GATA4: variants seen among roughly 807,000 people sequenced by gnomAD.
GATA4 encodes the protein GATA binding protein 4.
In GATA4, 7 loss-of-function variants were observed where a neutral mutation model predicts 37.9. That is an observed-to-expected ratio of 0.18 (90% CI 0.11 to 0.35). GATA4 has a LOEUF of 0.35. GATA4 is among the 10% of genes least tolerant of loss of function. The pLI is 1.00. For synonymous variants in GATA4, 372 were observed against 292.6 expected, an observed-to-expected ratio of 1.27 and a Z score of -2.77; for missense variants, 647 against 653.0, an observed-to-expected ratio of 0.99 and a Z score of 0.10.
intron 1 of GATA4, among the ~76,000 whole-genome samples, chr8:11,706,919 G>T (rs189085980): frequency 6.6e-6 from 1 of 152,286 alleles, no homozygotes; most frequent in Admixed American, 6.5e-5. Flanking sequence ...TCAAAAAGTG[G>T]AGCTCTTATT....
intron 2 of GATA4, among the ~76,000 whole-genome samples, chr8:11,727,079 T>C (rs1049672365): frequency 1.3e-5 from 2 of 152,190 alleles, no homozygotes; most frequent in Non-Finnish European, 2.9e-5. Context: ...AGCCTCATCA[T>C]AACAAACGTC....
intron 2 of GATA4, among the ~76,000 whole-genome samples, chr8:11,720,176 T>G (rs557717054): frequency 4.6e-5 from 7 of 151,770 alleles, no homozygotes; most frequent in South Asian, 4.2e-4. Flanking sequence ...GGTGAAGAAT[T>G]CAGGTCAGGT....
chr8:11,701,045 T>A (rs957732547), upstream of GATA4, among the ~76,000 whole-genome samples: 1 of 152,176 alleles, frequency 6.6e-6, no homozygotes, highest in Non-Finnish European at 1.5e-5. Flanking sequence ...TTTAGATTGC[T>A]CTGTACACAA....
chr8:11,705,633 A>T (rs1450539060), intron 1 of GATA4, among the ~76,000 whole-genome samples: 1 of 152,222 alleles, frequency 6.6e-6, no homozygotes, highest in Non-Finnish European at 1.5e-5. Flanking sequence ...CAACTGCAGG[A>T]TCCAGGCTCA....
At chr8:11,684,177 G>A (rs1799066506) in intron 1 of GATA4, among the ~76,000 whole-genome samples, 1 of 152,162 alleles carries the variant, frequency 6.6e-6, no homozygotes, top group Non-Finnish European at 1.5e-5. Flanking sequence ...AAGACGCTGT[G>A]GGCCTTAGTC....
chr8:11,729,744 G>A (rs1463560892), intron 2 of GATA4, among the ~76,000 whole-genome samples: 1 of 152,170 alleles, frequency 6.6e-6, no homozygotes, highest in Non-Finnish European at 1.5e-5. Flanking sequence ...CAGGGGTTAA[G>A]TCCGCTGCCT....
chr8:11,680,679 C>A, intron 1 of GATA4: 1 of 983,028 alleles, frequency 1.0e-6, no homozygotes, highest in Non-Finnish European at 1.2e-6. Context: ...GCGTCAGAGA[C>A]CCCCCCCTTG....
In GATA4 at chr8:11,749,219, A is replaced by G; in HGVS notation, c.786+134A>G. The G allele has an allele frequency of 2.3e-6, 2 of 865,518 alleles. No individual in the cohort carries two copies. The highest frequency in any genetic ancestry group is 3.0e-5 in the South Asian group (2 of 66,720). The allele number at this position is 865,518 out of a possible 1,614,324, so 53.6% of individuals were successfully genotyped here. A position where few individuals can be genotyped will look rare whatever the true frequency, so the allele number is the denominator to read the frequency against. On this transcript the variant is annotated intron_variant, in intron 3 of 6. Coordinates refer to ENST00000532059, the MANE Select transcript of GATA4 (RefSeq NM_001308093.3). The surrounding 1 kb of genome is among the most constrained non-coding windows in gnomAD (Gnocchi z 4.6). ...TTACGTGGGTGAGAGCCCCATAATA[A>G]TTCTCACAACTTTAGAGTTAGCTGG...
chr8:11,681,419 G>C, intron 1 of GATA4: 1 of 984,850 alleles, frequency 1.0e-6, no homozygotes, highest in South Asian at 4.7e-5. Context: ...GGCTCAACTC[G>C]GGGGCCGTAG....
intron 1 of GATA4, chr8:11,681,293 G>A (rs371529912): frequency 6.1e-6 from 6 of 985,388 alleles, no homozygotes; most frequent in South Asian, 4.7e-5. Flanking sequence ...CTGAGGTTCC[G>A]GGGAAGAGCA....
chr8:11,701,332 G>T (rs370508152), upstream of GATA4, among the ~76,000 whole-genome samples: 217 of 151,762 alleles, frequency 1.4e-3, no homozygotes, highest in Admixed American at 3.8e-3. Flanking sequence ...GAGAGGACTT[G>T]AATGGGGATT....
intron 1 of GATA4, chr8:11,692,960 A>C (rs998680015): frequency 2.0e-6 from 2 of 984,864 alleles, no homozygotes; most frequent in African/African-American, 1.8e-5. Flanking sequence ...AAGGCCTGCC[A>C]GGCGCCGGCC....
intron 6 of GATA4, among the ~76,000 whole-genome samples, chr8:11,757,297 A>T (rs1802639714): frequency 6.6e-6 from 1 of 152,238 alleles, no homozygotes; most frequent in Non-Finnish European, 1.5e-5. Context: ...GTATTTCAGG[A>T]CATCTTATCA....
At chr8:11,710,179 C>A (rs1400492383) in intron 2 of GATA4, among the ~76,000 whole-genome samples, 1 of 152,170 alleles carries the variant, frequency 6.6e-6, no homozygotes, top group Admixed American at 6.5e-5. Flanking sequence ...GCCAAATACA[C>A]ATCGCCGGCA....
At chr8:11,748,547 T>C (rs1467097681) in intron 2 of GATA4, among the ~76,000 whole-genome samples, 2 of 152,220 alleles carry the variant, frequency 1.3e-5, no homozygotes, top group East Asian at 3.8e-4. Context: ...AAAGTAATCT[T>C]ACTAACTTTG....
chr8:11,685,269 C>T (rs1799100839), intron 1 of GATA4, among the ~76,000 whole-genome samples: 1 of 152,214 alleles, frequency 6.6e-6, no homozygotes, highest in African/African-American at 2.4e-5. Context: ...ACTTCTACCA[C>T]AGTCGAGAAA....
Position 11,686,716 on chromosome 8 carries a change from C to G in GATA4, c.-274+9653C>G, listed in dbSNP as rs573326449. ...CTTAATTCTCTACAAACAAAATCCT[C>G]AGGCTGGGCGCAGTAGCTCATGCCT... is the stretch of plus-strand genomic sequence containing the variant. On this transcript the variant is annotated intron_variant, in intron 1 of 6. Transcript: ENST00000528712. 3.9e-5 allele frequency among the ~76,000 whole-genome samples: 6 copies of G among 152,310 alleles called. No homozygotes were observed. The East Asian group carries it at 7.7e-4, about 20-fold the overall frequency.
At chr8:11,677,604 T>C (rs1364321878) in intron 1 of GATA4, among the ~76,000 whole-genome samples, 1 of 152,218 alleles carries the variant, frequency 6.6e-6, no homozygotes, top group Non-Finnish European at 1.5e-5. Flanking sequence ...ACCTGGCCCA[T>C]GTCAGACCCA....
At chr8:11,754,371 C>T (rs556717144) in intron 4 of GATA4, among the ~76,000 whole-genome samples, 3 of 152,236 alleles carry the variant, frequency 2.0e-5, no homozygotes, top group African/African-American at 7.2e-5. Context: ...CATGCAGCAC[C>T]GTGCCCAGCT....
Sources: gnomAD v4.1 joint callset for allele counts (sites outside exome capture counted in the v4.1 genomes callset) on GRCh38, gnomAD v4.1.1 for gene constraint, Gnocchi (gnomAD v3.1) non-coding constraint, MANE v1.5 for transcripts, NCBI Gene and HGNC (gene_info 2026-07-23, HGNC 2026-07-21) for gene names.